The following MORC1 variants were observed in gnomAD, a reference collection of about 807,000 sequenced individuals.
The protein encoded by MORC1 is MORC family CW-type zinc finger protein 1.
Under a neutral mutation model 134.9 loss-of-function variants are expected in MORC1, and 59 were observed. The ratio of observed to expected loss-of-function variants is 0.44; its 90% CI spans 0.35 to 0.54. The LOEUF is 0.54. Ranked by LOEUF, MORC1 falls within the 20% of genes least tolerant of loss-of-function variation. The pLI is 0.00. For missense variants in MORC1, 947 were observed against 1,134.5 expected (o/e 0.83, Z 2.37); for synonymous variants, 395 against 391.7 (o/e 1.01, Z -0.10).
In MORC1 at chr3:108,996,286, G is replaced by GCGCGCACACACACACACACACACACACA; in HGVS notation, c.2187+4270_2187+4271insTGTGTGTGTGTGTGTGTGTGTGTGCGCG. 3.5e-3 allele frequency among the ~76,000 whole-genome samples: 515 copies of GCGCGCACACACACACACACACACACACA among 146,428 alleles called. 1 individual carries two copies. The highest frequency in any genetic ancestry group is 0.014 in the Middle Eastern group (4 of 282). On this transcript the variant is annotated intron_variant, in intron 21 of 27. Coordinates refer to ENST00000232603, the MANE Select transcript of MORC1 (RefSeq NM_014429.4). ...CATGTGCGCGTGCGTGCGCGCGCGC[G>GCGCGCACACACACACACACACACACACA]CACACACACACACACACACACAACT... is the stretch of plus-strand genomic sequence containing the variant.
intron 26 of MORC1, among the ~76,000 whole-genome samples, chr3:108,967,397 A>G (rs1947252913): frequency 6.6e-6 from 1 of 152,144 alleles, no homozygotes; most frequent in African/African-American, 2.4e-5. Context: ...GTAAGTGGAG[A>G]GCTACAGGAA....
chr3:108,980,834 A>G (rs1181875074), intron 23 of MORC1, among the ~76,000 whole-genome samples: 1 of 152,196 alleles, frequency 6.6e-6, no homozygotes, highest in Non-Finnish European at 1.5e-5. Flanking sequence ...GAATGTTCAG[A>G]GCTACTGGGC....
At chr3:109,098,527 G>A (rs928636695) in intron 6 of MORC1, among the ~76,000 whole-genome samples, 2 of 152,134 alleles carry the variant, frequency 1.3e-5, no homozygotes, top group African/African-American at 4.8e-5. Flanking sequence ...CTCCAGGTCT[G>A]AGACTTGCTG....
rs184366409 is a variant in MORC1, at chr3:109,014,941, A to G, written c.1705-7850T>C. 1.4e-4 allele frequency among the ~76,000 whole-genome samples: 21 copies of G among 152,278 alleles called. No homozygotes were observed. In the East Asian group the frequency reaches 3.9e-3, roughly 28 times the overall value. ...CACTCTGTCACCCAGGCTGGAGTGC[A>G]GTGGCGTAATCTCGGCTCACTGCAA... On this transcript the variant is annotated intron_variant, in intron 17 of 27. Transcript: ENST00000232603.
chr3:109,036,585 TACA>T (rs1949386064), intron 14 of MORC1, among the ~76,000 whole-genome samples: 1 of 152,186 alleles, frequency 6.6e-6, no homozygotes, highest in Admixed American at 6.5e-5. Flanking sequence ...GTACCAGCCT[TACA>T]ACAACCTTAA....
chr3:108,964,351 A>G (rs1947160315), intron 26 of MORC1, among the ~76,000 whole-genome samples: 1 of 152,212 alleles, frequency 6.6e-6, no homozygotes, highest in African/African-American at 2.4e-5. Flanking sequence ...GATACACGGC[A>G]AATCCCATTT....
At chr3:108,963,121 G>A (rs959320922) in intron 27 of MORC1, among the ~76,000 whole-genome samples, 3 of 151,382 alleles carry the variant, frequency 2.0e-5, no homozygotes, top group Non-Finnish European at 4.4e-5. Flanking sequence ...CCCAGGAGGC[G>A]GAGGTTGCAG....
Position 108,994,705 on chromosome 3 carries a change from T to A in MORC1, c.2187+5852A>T, listed in dbSNP as rs189807672. Among the ~76,000 whole-genome samples, 86 of 152,214 alleles carry A rather than the reference T, an allele frequency of 5.6e-4. 2 individuals are homozygous for A. Among genetic ancestry groups the A allele is most frequent in the African/African-American group, 1.9e-3 (77 of 41,538 alleles). On this transcript the variant is annotated intron_variant, in intron 21 of 27. Coordinates refer to ENST00000232603, the MANE Select transcript of MORC1 (RefSeq NM_014429.4). ...TTTTTAAATAAAGTCAGTACTTTTA[T>A]CGCTCTGTCTTGAGCCTCAGCACAT...
chr3:109,056,027 A>G (rs1032431000), intron 13 of MORC1, among the ~76,000 whole-genome samples: 1 of 152,178 alleles, frequency 6.6e-6, no homozygotes, highest in Admixed American at 6.5e-5. Context: ...TTCAAGGCCA[A>G]GGAAATGGCA....
intron 8 of MORC1, among the ~76,000 whole-genome samples, chr3:109,086,574 C>T (rs1950620502): frequency 6.6e-6 from 1 of 151,982 alleles, no homozygotes; most frequent in Admixed American, 6.6e-5. Context: ...GAGGAAATTA[C>T]AACCACTTAA....
At chr3:108,973,570 T>G (rs1947452317) in intron 24 of MORC1, among the ~76,000 whole-genome samples, 1 of 150,750 alleles carries the variant, frequency 6.6e-6, no homozygotes. Context: ...TGTTTTTTTG[T>G]TCGTTTTTTG....
intron 8 of MORC1, among the ~76,000 whole-genome samples, chr3:109,087,643 T>C (rs757907871): frequency 2.3e-4 from 35 of 151,954 alleles, no homozygotes; most frequent in Non-Finnish European, 4.3e-4. Flanking sequence ...TAAAATGACC[T>C]TACTGCCCAA....
In MORC1 at chr3:109,005,231, G is replaced by A. The variant is rs747344612; in HGVS notation, c.1852C>T (p.Arg618Cys). The change falls in exon 19 of 28, where the codon CGT (arginine) becomes TGT (cysteine). Residue 618 changes from arginine (R) to cysteine (C), a missense_variant. Around this residue, in one of 3 missense-constraint regions of MORC1, gnomAD observed 722 missense variants for 817.0 expected, o/e 0.88. Transcript: ENST00000232603. Reference protein sequence around the residue: ...SLSSFELSASRRGQKRNIEET... With the variant: ...SLSSFELSASCRGQKRNIEET... ...TCTATGTTTCTTTTCTGTCCTCTAC[G>A]GCTCGCTGAAAGCTCAAAGGATGAA... is the stretch of plus-strand genomic sequence containing the variant. 9.3e-6 allele frequency: 15 copies of A among 1,613,414 alleles called. No homozygotes were observed. In the Admixed American group the frequency reaches 1.2e-4, roughly 13 times the overall value.
intron 21 of MORC1, among the ~76,000 whole-genome samples, chr3:108,999,409 G>A (rs1233328193): frequency 6.6e-6 from 1 of 152,130 alleles, no homozygotes; most frequent in East Asian, 1.9e-4. Flanking sequence ...TGGGAAATGG[G>A]CACACAGGAG....
chr3:109,046,647 T>G (rs1949702834), intron 14 of MORC1, among the ~76,000 whole-genome samples: 1 of 152,206 alleles, frequency 6.6e-6, no homozygotes, highest in Non-Finnish European at 1.5e-5. Flanking sequence ...TATTTGATTT[T>G]TATTAATACA....
chr3:109,091,301 G>A (rs925466439), intron 8 of MORC1, among the ~76,000 whole-genome samples: 3 of 151,100 alleles, frequency 2.0e-5, no homozygotes, highest in Admixed American at 2.0e-4. Context: ...AAAATTAGCC[G>A]GGCAGGGTGG....
chr3:109,040,403 A>AAAGAAAGAAAGAAAGAAAGAGAAG, intron 14 of MORC1, among the ~76,000 whole-genome samples: 26 of 13,560 alleles, frequency 1.9e-3, no homozygotes, highest in South Asian at 4.7e-3. Flanking sequence ...AGAAAGAAAG[A>AAAGAAAGAAAGAAAGAAAGAGAAG]GAAGGAAGGA....
intron 8 of MORC1, among the ~76,000 whole-genome samples, chr3:109,082,663 C>A (rs190292710): frequency 6.6e-6 from 1 of 151,734 alleles, no homozygotes; most frequent in Admixed American, 6.6e-5. Flanking sequence ...AGGCTCTGCA[C>A]AACAGAATAG....
intron 14 of MORC1, among the ~76,000 whole-genome samples, chr3:109,050,697 C>T (rs1949803530): frequency 6.6e-6 from 1 of 152,200 alleles, no homozygotes; most frequent in East Asian, 1.9e-4. Flanking sequence ...AATGAAAGAA[C>T]CCATGAGATA....
Sources: allele counts gnomAD v4.1 joint callset (sites outside exome capture counted in the v4.1 genomes callset), GRCh38; gene constraint gnomAD v4.1.1; regional missense constraint gnomAD v4.1.1; transcripts MANE v1.5; gene names NCBI Gene and HGNC (gene_info 2026-07-23, HGNC 2026-07-21).